Variants in ARFRP1 observed in about 807,000 individuals in gnomAD.
ARFRP1 encodes the protein ARF related protein 1.
Under a neutral mutation model 30.3 loss-of-function variants are expected in ARFRP1, and 19 were observed. The observed-to-expected ratio is 0.63, with a 90% CI of 0.44 to 0.92. The LOEUF (loss-of-function observed/expected upper bound fraction) is 0.92, where lower values mean the gene tolerates loss of function less well. Ranked by LOEUF, ARFRP1 falls within the 40% of genes least tolerant of loss-of-function variation. The pLI, the probability that ARFRP1 is intolerant of heterozygous loss-of-function variation, is 0.00. For synonymous variants in ARFRP1, 133 were observed against 114.2 expected (o/e 1.16, Z -1.05); for missense variants, 245 against 267.5 (o/e 0.92, Z 0.59).
At chr20:63,704,263 A>T (rs2091350236) in intron 4 of ARFRP1, 1 of 152,206 alleles carries the variant, frequency 6.6e-6, no homozygotes, top group Non-Finnish European at 1.5e-5. Flanking sequence ...CCAGTGACCT[A>T]GGGGGGTCCC....
At chr20:63,704,262 TA>T (rs2091350338) in intron 4 of ARFRP1, 1 of 152,210 alleles carries the variant, frequency 6.6e-6, no homozygotes, top group Non-Finnish European at 1.5e-5. Context: ...CCCAGTGACC[TA>T]GGGGGGTCCC....
chr20:63,706,823 GACAGAA>G (rs1007770435), intron 2 of ARFRP1, 85 bp from the exon 3 acceptor site: 93 of 1,320,974 alleles, frequency 7.0e-5, no homozygotes, highest in Non-Finnish European at 9.0e-5. Context: ...TTCTTTAAAA[GACAGAA>G]ACAGAAACAG....
intron 4 of ARFRP1, chr20:63,705,129 C>T (rs2091393071): frequency 6.5e-6 from 1 of 152,832 alleles, no homozygotes; most frequent in East Asian, 1.9e-4. Context: ...ATCTGTGTCA[C>T]TCCCCAAGCA....
rs1261137268 is a variant in ARFRP1 at position 63,698,841 on chromosome 20, C to T, written c.*1602G>A. ...TGGGAGGATCAGTGGGGAGTGCCAC[C>T]TCTGCCCCCAGTGGCTGTGGCACGT... On this transcript the variant is annotated 3_prime_UTR_variant, in exon 8 of 8. Transcript: ENST00000622789. The T allele has an allele frequency of 9.3e-6, 3 of 323,376 alleles. No individual in the cohort carries two copies. Among genetic ancestry groups the T allele is most frequent in the Non-Finnish European group, 1.7e-5 (3 of 179,816 alleles). The allele number at this position is 323,376 out of a possible 1,614,324, so 20.0% of individuals were successfully genotyped here.
chr20:63,702,249 TC>T, intron 4 of ARFRP1, 32 bp from the exon 5 acceptor site: 2 of 1,590,682 alleles, frequency 1.3e-6, no homozygotes, highest in Non-Finnish European at 8.6e-7. Context: ...TGGGGCTCAG[TC>T]CCCACCCTGC....
chr20:63,704,729 G>C (rs1021824694), intron 4 of ARFRP1: 2 of 152,260 alleles, frequency 1.3e-5, no homozygotes, highest in Admixed American at 1.3e-4. Context: ...GCTGTGGCCA[G>C]TGCAGGCATC....
intron 4 of ARFRP1, chr20:63,703,087 G>C (rs575387509): frequency 6.6e-6 from 1 of 152,416 alleles, no homozygotes; most frequent in African/African-American, 2.4e-5. Flanking sequence ...CGTCCACGTG[G>C]AGCAGACAAC....
At position 63,706,483 on chromosome 20, in the gene ARFRP1, C is replaced by T. The variant is rs757943900; in HGVS notation, c.182-44G>A. 19 of 1,589,860 alleles carry T rather than the reference C, an allele frequency of 1.2e-5. No homozygotes were observed. The Admixed American group carries it at 2.2e-4, about 18-fold the overall frequency. On this transcript the variant is annotated intron_variant, in intron 3 of 7. Coordinates refer to ENST00000622789, the MANE Select transcript of ARFRP1 (RefSeq NM_001267547.3). Reference sequence around the variant, plus strand: ...AGGCAAGGCTCATGACCTTGGTCCTCGACACACCCAGTCCCAGCTCTCCCA... The same window carrying T: ...AGGCAAGGCTCATGACCTTGGTCCTTGACACACCCAGTCCCAGCTCTCCCA...
Position 63,699,982 on chromosome 20 carries a change from T to A in ARFRP1, c.*461A>T. ...AAGGCAAGATCAGCCCCAGACCACT[T>A]CCGGGGTCACGGGGTCACGGGGTCA... On this transcript the variant is annotated 3_prime_UTR_variant, in exon 8 of 8. Coordinates refer to ENST00000622789, the MANE Select transcript of ARFRP1 (RefSeq NM_001267547.3). The A allele has an allele frequency of 4.5e-6, 1 of 221,350 alleles. No individual in the cohort carries two copies. The allele number at this position is 221,350 out of a possible 1,614,324, so 13.7% of individuals were successfully genotyped here.
rs554199811 is a variant in ARFRP1 at position 63,699,099 on chromosome 20, C to T, written c.*1344G>A. 2.0e-5 allele frequency: 3 copies of T among 152,398 alleles called. No homozygotes were observed. The highest frequency in any genetic ancestry group is 7.2e-5 in the African/African-American group (3 of 41,554). 9.4% of individuals were successfully genotyped at this position (152,398 alleles called of 1,614,324 possible). ...GAAGCTTCTCCCTCTCTGGGGCAGG[C>T]TCTGAAGCCTCCCGATGCACCCAGA... is the stretch of plus-strand genomic sequence containing the variant. On this transcript the variant is annotated 3_prime_UTR_variant, in exon 8 of 8. Coordinates refer to ENST00000622789, the MANE Select transcript of ARFRP1 (RefSeq NM_001267547.3).
At chr20:63,701,116 C>A (rs776935497) in intron 6 of ARFRP1, 2 of 412,240 alleles carry the variant, frequency 4.9e-6, no homozygotes, top group Admixed American at 2.9e-5. Flanking sequence ...CTTCTGCTCA[C>A]AACCACCTGC....
Position 63,707,062 on chromosome 20 carries a change from C to T in ARFRP1, c.30G>A (p.Lys10=). 3.1e-6 allele frequency: 5 copies of T among 1,613,732 alleles called. No homozygotes were observed. The highest frequency in any genetic ancestry group is 4.2e-6 in the Non-Finnish European group (5 of 1,179,932). The change falls in exon 2 of 8, where the codon AAG becomes AAA. Residue 10 remains lysine, a synonymous_variant. Coordinates refer to ENST00000622789, the MANE Select transcript of ARFRP1 (RefSeq NM_001267547.3). ...AGTACTCGTCCTTCTGAAACATGTA[C>T]TTGTACAAGCCCGACAGCAGCGTGT... MYTLLSGLY[K]YMFQKDEYCI... is the part of the protein sequence containing the mutation.
chr20:63,700,554 CG>C lies in ARFRP1; in HGVS notation c.519-25del, dbSNP rs535964457. 11 of 1,610,436 alleles carry C rather than the reference CG, an allele frequency of 6.8e-6. No homozygotes were observed. In the African/African-American group the frequency reaches 1.1e-4, roughly 16 times the overall value. The stretch of plus-strand genomic sequence containing the variant: ...TGCTGTGAAGACAGCGGGTGTGAGG[CG>C]GGGGGTCTCGGTCCCCAAAGCCCCC... On this transcript the variant is annotated intron_variant, in intron 7 of 7. Transcript: ENST00000622789.
At chr20:63,701,075 C>T in intron 6 of ARFRP1, 1 of 400,824 alleles carries the variant, frequency 2.5e-6, no homozygotes, top group Non-Finnish European at 5.1e-6. Flanking sequence ...AGCCCTGCAT[C>T]AGTGATGGAG....
chr20:63,698,853 T>G lies in ARFRP1; in HGVS notation c.*1590A>C. The G allele has an allele frequency of 3.4e-6, 1 of 295,524 alleles. No individual in the cohort carries two copies. The highest frequency in any genetic ancestry group is 6.2e-6 in the Non-Finnish European group (1 of 161,800). 18.3% of individuals were successfully genotyped at this position (295,524 alleles called of 1,614,324 possible). ...TGGGGAGTGCCACCTCTGCCCCCAG[T>G]GGCTGTGGCACGTGGCAGGGGCCCC... On this transcript the variant is annotated 3_prime_UTR_variant, in exon 8 of 8. Transcript: ENST00000622789.
At chr20:63,701,657 T>C in intron 6 of ARFRP1, 173 bp downstream of exon 6, 1 of 641,438 alleles carries the variant, frequency 1.6e-6, no homozygotes. Context: ...GCAGCAGGTC[T>C]GGAGAGGAAC....
Position 63,706,353 on chromosome 20 carries a change from T to C in ARFRP1, c.264+4A>G. 6.2e-7 allele frequency: 1 copy of C among 1,612,920 alleles called. No homozygotes were observed. The highest frequency in any genetic ancestry group is 8.5e-7 in the Non-Finnish European group (1 of 1,179,694). ...TGGGGGTGGTCCTGGCCAGGGAGTC[T>C]TACCTTGTCCCACAAAGACTGCAGC... On this transcript the variant is annotated splice_donor_region_variant and intron_variant, in intron 4 of 7. Transcript: ENST00000622789.
intron 4 of ARFRP1, chr20:63,703,902 G>C (rs2091331658): frequency 6.6e-6 from 1 of 152,636 alleles, no homozygotes; most frequent in Non-Finnish European, 1.5e-5. Context: ...AGTGGTCATT[G>C]TGGGGTGCCC....
Position 63,701,866 on chromosome 20 carries a change from G to A in ARFRP1, c.381C>T (p.Val127=), listed in dbSNP as rs1410401372. 1 of 1,550,522 alleles carries A rather than the reference G, an allele frequency of 6.4e-7. No individual in the cohort carries two copies. Among genetic ancestry groups the A allele is most frequent in the Non-Finnish European group, 8.7e-7 (1 of 1,147,098 alleles). ...GCTTGTTGGCCAGCACCAAGACGGG[G>A]ACACCGCACAGCGCCTCGCTGGTCA... ...KVVTSEALCG[V]PVLVLANKQD... Residue 127 remains valine, a synonymous_variant, in exon 6 of 8, where the codon GTC becomes GTT. Coordinates refer to ENST00000622789, the MANE Select transcript of ARFRP1 (RefSeq NM_001267547.3).
Sources: allele counts gnomAD v4.1 joint callset, GRCh38; gene constraint gnomAD v4.1.1; transcripts MANE v1.5; gene names NCBI Gene and HGNC (gene_info 2026-07-23, HGNC 2026-07-21).